Variants in CDH12 observed in about 807,000 individuals in gnomAD.
The protein encoded by CDH12 is cadherin-12.
In CDH12, 41 loss-of-function variants were observed where a neutral mutation model predicts 74.1. The observed-to-expected ratio is 0.55, with a 90% CI of 0.43 to 0.72. The LOEUF is 0.72. Ranked by LOEUF, CDH12 falls within the 30% of genes least tolerant of loss-of-function variation. CDH12 has a pLI of 0.00. For missense variants in CDH12, 945 were observed against 977.2 expected (o/e 0.97, Z 0.44); for synonymous variants, 399 against 355.0 (o/e 1.12, Z -1.39).
chr5:22,221,472 A>T (rs1561233222), intron 3 of CDH12, among the ~76,000 whole-genome samples: 1 of 151,930 alleles, frequency 6.6e-6, no homozygotes, highest in Non-Finnish European at 1.5e-5. Flanking sequence ...TTTGAAATGT[A>T]TCCACAATAT....
rs560341101 is a variant in CDH12 at position 22,025,960 on chromosome 5, A to G, written c.232-50575T>C. On this transcript the variant is annotated intron_variant, in intron 5 of 14. Transcript: ENST00000382254. ...TTTTTGTTATTTTGCAATTTTTATCACATCTGTAGTTATTTCTTCCACTGA... is the reference window on the plus strand; with the variant it reads ...TTTTTGTTATTTTGCAATTTTTATCGCATCTGTAGTTATTTCTTCCACTGA... Among the ~76,000 whole-genome samples the G allele has an allele frequency of 2.0e-5, 3 of 151,546 alleles. No individual in the cohort carries two copies. The East Asian group carries it at 5.8e-4, about 29-fold the overall frequency.
At position 22,005,757 on chromosome 5, in the gene CDH12, A is replaced by G. The variant is rs114700190; in HGVS notation, c.232-30372T>C. ...AAACAGTGTTTTGTTTACTGCCACT[A>G]TTAGATACTTTTTGAATTAATGAAT... On this transcript the variant is annotated intron_variant, in intron 5 of 14. Coordinates refer to ENST00000382254, the MANE Select transcript of CDH12 (RefSeq NM_004061.5). Among the ~76,000 whole-genome samples, 634 of 152,274 alleles carry G rather than the reference A, an allele frequency of 4.2e-3. 8 individuals carry two copies. Among genetic ancestry groups the G allele is most frequent in the Middle Eastern group, 0.014 (4 of 294 alleles).
chr5:22,835,411 C>T (rs1736778175), intron 1 of CDH12, among the ~76,000 whole-genome samples: 1 of 152,122 alleles, frequency 6.6e-6, no homozygotes, highest in South Asian at 2.1e-4. Flanking sequence ...AATGTGTCCT[C>T]CATTACCATT....
intron 1 of CDH12, among the ~76,000 whole-genome samples, chr5:22,626,854 A>C (rs919022557): frequency 2.6e-5 from 4 of 152,222 alleles, no homozygotes; most frequent in Admixed American, 2.6e-4. Context: ...GAGGAATATG[A>C]TAAAATGATA....
chr5:22,247,189 T>A (rs1752975820), intron 3 of CDH12, among the ~76,000 whole-genome samples: 1 of 152,190 alleles, frequency 6.6e-6, no homozygotes, highest in African/African-American at 2.4e-5. Flanking sequence ...TTAAAAACAT[T>A]TACTGGCTAG....
intron 1 of CDH12, among the ~76,000 whole-genome samples, chr5:22,703,992 A>G (rs1373666804): frequency 6.6e-6 from 1 of 152,174 alleles, no homozygotes; most frequent in Non-Finnish European, 1.5e-5. Flanking sequence ...TTTCTTTGAT[A>G]ACTGTCCACT....
chr5:22,770,442 T>C (rs529281243), intron 1 of CDH12, among the ~76,000 whole-genome samples: 1 of 152,198 alleles, frequency 6.6e-6, no homozygotes, highest in Non-Finnish European at 1.5e-5. Flanking sequence ...AAGAATTGAG[T>C]TTTTTGGTCC....
chr5:22,610,795 A>G (rs1737355493), intron 1 of CDH12, among the ~76,000 whole-genome samples: 1 of 152,080 alleles, frequency 6.6e-6, no homozygotes, highest in Non-Finnish European at 1.5e-5. Flanking sequence ...TTATCCTTCA[A>G]TATTAAAGAA....
chr5:21,970,839 C>CA (rs1167373938), intron 6 of CDH12, among the ~76,000 whole-genome samples: 2,088 of 27,772 alleles, frequency 0.075, 706 homozygotes, highest in Middle Eastern at 0.17. Context: ...GACTCTTTCT[C>CA]AAAAAAAAAA....
At chr5:22,263,922 C>A (rs1439913065) in intron 3 of CDH12, among the ~76,000 whole-genome samples, 1 of 151,886 alleles carries the variant, frequency 6.6e-6, no homozygotes, top group Admixed American at 6.6e-5. Flanking sequence ...ATAATGTGTT[C>A]TTCACAACTA....
intron 6 of CDH12, among the ~76,000 whole-genome samples, chr5:21,892,069 T>G (rs1429658681): frequency 6.6e-6 from 1 of 152,184 alleles, no homozygotes; most frequent in Admixed American, 6.5e-5. Context: ...TATGATATCT[T>G]GGACTTCCAG....
intron 1 of CDH12, among the ~76,000 whole-genome samples, chr5:22,753,382 A>T (rs1303566562): frequency 6.7e-6 from 1 of 150,156 alleles, no homozygotes; most frequent in Non-Finnish European, 1.5e-5. Context: ...GCTTGCAGTG[A>T]TCTGAGATCG....
chr5:22,095,767 G>A (rs974004222), intron 4 of CDH12, among the ~76,000 whole-genome samples: 11 of 140,852 alleles, frequency 7.8e-5, no homozygotes, highest in Admixed American at 2.9e-4. Context: ...TCTGCACCCC[G>A]ATCCCTTAAT....
chr5:22,751,585 GT>G (rs1288474567), intron 1 of CDH12, among the ~76,000 whole-genome samples: 1 of 151,968 alleles, frequency 6.6e-6, no homozygotes, highest in Non-Finnish European at 1.5e-5. Flanking sequence ...ATAGACAACA[GT>G]AATAATATAG....
At chr5:22,725,687 G>T (rs1239623243) in intron 1 of CDH12, among the ~76,000 whole-genome samples, 1 of 151,248 alleles carries the variant, frequency 6.6e-6, no homozygotes, top group South Asian at 2.1e-4. Flanking sequence ...TCCTAATACT[G>T]CCACACTGTG....
At chr5:21,783,762 G>A (rs144452992) in intron 10 of CDH12, among the ~76,000 whole-genome samples, 11 of 152,218 alleles carry the variant, frequency 7.2e-5, no homozygotes, top group African/African-American at 2.6e-4. Context: ...AAATTCTAAA[G>A]CTGACCATGA....
At chr5:22,379,784 C>T (rs746870034) in intron 3 of CDH12, among the ~76,000 whole-genome samples, 3 of 150,606 alleles carry the variant, frequency 2.0e-5, no homozygotes, top group Non-Finnish European at 4.4e-5. Context: ...GAGATTGAGT[C>T]TCTTTCTGTT....
chr5:22,217,765 T>C (rs1751865781), intron 3 of CDH12, among the ~76,000 whole-genome samples: 1 of 151,650 alleles, frequency 6.6e-6, no homozygotes, highest in South Asian at 2.1e-4. Flanking sequence ...CAAATGGACA[T>C]ATAAAATAAT....
At chr5:22,486,036 G>T (rs879629699) in intron 2 of CDH12, among the ~76,000 whole-genome samples, 1 of 152,184 alleles carries the variant, frequency 6.6e-6, no homozygotes, top group Non-Finnish European at 1.5e-5. Context: ...CAGCTGGAAA[G>T]CCTCACCCAC....
Sources: allele counts gnomAD v4.1 joint callset (sites outside exome capture counted in the v4.1 genomes callset), GRCh38; gene constraint gnomAD v4.1.1; transcripts MANE v1.5; gene names NCBI Gene and HGNC (gene_info 2026-07-23, HGNC 2026-07-21).